CACNA2D3: variants seen among roughly 807,000 people sequenced by gnomAD.
CACNA2D3 encodes voltage-dependent calcium channel subunit alpha-2/delta-3.
CACNA2D3 carries 60 observed loss-of-function variants against 160.6 expected under a neutral mutation model. The ratio of observed to expected loss-of-function variants is 0.37; its 90% CI spans 0.30 to 0.46. The LOEUF (loss-of-function observed/expected upper bound fraction) is 0.46. CACNA2D3 is among the 20% of genes least tolerant of loss of function. CACNA2D3 has a pLI of 1.00. For synonymous variants in CACNA2D3, 558 were observed against 492.9 expected (o/e 1.13, Z -1.75); for missense variants, 1,205 against 1,365.0 (o/e 0.88, Z 1.85).
chr3:54,971,015 T>C (rs1429971321), intron 29 of CACNA2D3, among the ~76,000 whole-genome samples: 2 of 151,582 alleles, frequency 1.3e-5, no homozygotes, highest in African/African-American at 4.9e-5. Context: ...TAAGGAAATA[T>C]AAAAGGAAGT....
intron 4 of CACNA2D3, among the ~76,000 whole-genome samples, chr3:54,447,298 G>A (rs1388363127): frequency 6.6e-6 from 1 of 152,206 alleles, no homozygotes; most frequent in Non-Finnish European, 1.5e-5. Flanking sequence ...GATTAAAATT[G>A]AGAATGTATG....
intron 11 of CACNA2D3, among the ~76,000 whole-genome samples, chr3:54,736,323 C>T (rs1020556228): frequency 9.2e-5 from 14 of 151,644 alleles, no homozygotes; most frequent in African/African-American, 3.4e-4. Context: ...TAATCCCCTT[C>T]TGTGATACGT....
In CACNA2D3 at chr3:54,322,777, T is replaced by C. The variant is rs75879502; in HGVS notation, c.321+2219T>C. On this transcript the variant is annotated intron_variant, in intron 3 of 37. Transcript: ENST00000474759. ...GTGAACTGGGTTTAGCGTCTTCGTA[T>C]TGCCTAATTTTAAAACCTTTTTGTG... 9.2e-5 allele frequency among the ~76,000 whole-genome samples: 14 copies of C among 152,180 alleles called. No individual in the cohort carries two copies. In the East Asian group the frequency reaches 2.7e-3, roughly 29 times the overall value.
chr3:54,615,154 A>T (rs953325928), intron 9 of CACNA2D3, among the ~76,000 whole-genome samples: 1 of 152,240 alleles, frequency 6.6e-6, no homozygotes, highest in African/African-American at 2.4e-5. Context: ...ATGAAGAGAG[A>T]TGATGAAATT....
At chr3:54,602,786 G>C (rs1703087888) in intron 9 of CACNA2D3, among the ~76,000 whole-genome samples, 1 of 152,160 alleles carries the variant, frequency 6.6e-6, no homozygotes. Context: ...AGGGCAGCCT[G>C]TCTTTGTTAT....
intron 27 of CACNA2D3, among the ~76,000 whole-genome samples, chr3:54,930,895 G>A (rs1382473907): frequency 2.0e-5 from 3 of 152,132 alleles, no homozygotes; most frequent in South Asian, 2.1e-4. Flanking sequence ...ACAGGAGTTC[G>A]AGACCAGCCT....
At chr3:55,017,436 A>G (rs1703349422) in intron 34 of CACNA2D3, among the ~76,000 whole-genome samples, 1 of 151,728 alleles carries the variant, frequency 6.6e-6, no homozygotes, top group Admixed American at 6.6e-5. Flanking sequence ...TGTTGTTGCT[A>G]TTATTATTAT....
At chr3:54,556,469 A>T (rs983251530) in intron 5 of CACNA2D3, among the ~76,000 whole-genome samples, 1 of 152,138 alleles carries the variant, frequency 6.6e-6, no homozygotes, top group African/African-American at 2.4e-5. Context: ...GAAGGAAGCA[A>T]CCCTGCTGGC....
At chr3:54,371,333 A>G (rs1698922779) in intron 3 of CACNA2D3, among the ~76,000 whole-genome samples, 1 of 152,328 alleles carries the variant, frequency 6.6e-6, no homozygotes, top group South Asian at 2.1e-4. Flanking sequence ...ACACTTTACT[A>G]TGAGAAAATA....
chr3:54,512,402 G>A (rs980349439), intron 5 of CACNA2D3, among the ~76,000 whole-genome samples: 1 of 152,190 alleles, frequency 6.6e-6, no homozygotes, highest in Non-Finnish European at 1.5e-5. Flanking sequence ...TGTAACAAAA[G>A]TTTACTGAGA....
intron 4 of CACNA2D3, among the ~76,000 whole-genome samples, chr3:54,456,525 T>G (rs1162648397): frequency 6.6e-6 from 1 of 152,008 alleles, no homozygotes; most frequent in Admixed American, 6.6e-5. Flanking sequence ...TTGAGAATTT[T>G]TGCCTCTGTA....
At chr3:54,342,356 C>CA (rs1426894988) in intron 3 of CACNA2D3, among the ~76,000 whole-genome samples, 1 of 152,100 alleles carries the variant, frequency 6.6e-6, no homozygotes, top group African/African-American at 2.4e-5. Context: ...GAAATCTACA[C>CA]AAAAAGCAGT....
intron 2 of CACNA2D3, among the ~76,000 whole-genome samples, chr3:54,229,308 C>T (rs1234583400): frequency 1.3e-5 from 2 of 152,072 alleles, no homozygotes; most frequent in African/African-American, 4.8e-5. Context: ...TCTCCTGCCT[C>T]AGCCTCCCGA....
At chr3:54,716,419 A>C (rs1401773678) in intron 11 of CACNA2D3, among the ~76,000 whole-genome samples, 1 of 152,194 alleles carries the variant, frequency 6.6e-6, no homozygotes, top group East Asian at 1.9e-4. Flanking sequence ...AAAAGAGGGA[A>C]GATGTGTTCA....
intron 2 of CACNA2D3, among the ~76,000 whole-genome samples, chr3:54,309,568 C>T (rs1703683955): frequency 6.6e-6 from 1 of 152,098 alleles, no homozygotes; most frequent in African/African-American, 2.4e-5. Flanking sequence ...CGGGGACAGC[C>T]TCCCTGGATC....
chr3:54,257,265 G>C (rs956795369), intron 2 of CACNA2D3, among the ~76,000 whole-genome samples: 6 of 152,158 alleles, frequency 3.9e-5, no homozygotes, highest in Non-Finnish European at 7.3e-5. Context: ...AGCTCAGAAG[G>C]CACCAGAACT....
At chr3:55,054,239 C>A (rs950241161) in intron 35 of CACNA2D3, among the ~76,000 whole-genome samples, 1 of 151,786 alleles carries the variant, frequency 6.6e-6, no homozygotes, top group Non-Finnish European at 1.5e-5. Context: ...GACTCATTTT[C>A]TCTTTACTCA....
intron 4 of CACNA2D3, among the ~76,000 whole-genome samples, chr3:54,408,712 A>T (rs945837788): frequency 6.6e-6 from 1 of 152,230 alleles, no homozygotes. Context: ...AAGTCAATCT[A>T]TAACCAAATT....
intron 4 of CACNA2D3, among the ~76,000 whole-genome samples, chr3:54,390,387 G>T (rs1699258822): frequency 1.3e-5 from 2 of 152,236 alleles, no homozygotes; most frequent in Admixed American, 6.5e-5. Context: ...AAAAAATGAG[G>T]CACCAAGAAA....
Sources: allele counts gnomAD v4.1 joint callset (sites outside exome capture counted in the v4.1 genomes callset), GRCh38; gene constraint gnomAD v4.1.1; transcripts MANE v1.5; gene names NCBI Gene and HGNC (gene_info 2026-07-23, HGNC 2026-07-21).